The following PRH1 variants were observed in gnomAD, a reference collection of about 807,000 sequenced individuals.
PRH1 encodes the protein proline rich protein HaeIII subfamily 1, also known as salivary acidic proline-rich phosphoprotein 1/2.
PRH1 carries 7 observed loss-of-function variants against 7.9 expected under a neutral mutation model. The ratio of observed to expected loss-of-function variants is 0.89; its 90% CI spans 0.50 to 1.67. PRH1 has a LOEUF of 1.67. PRH1 is among the 40% of genes most tolerant of loss of function. The pLI, the probability that PRH1 is intolerant of heterozygous loss-of-function variation, is 0.00. For missense variants in PRH1, 109 were observed against 223.6 expected (o/e 0.49, Z 3.27); for synonymous variants, 45 against 80.8 (o/e 0.56, Z 2.38).
chr12:10,954,569 G>A (rs1465742085), intron 2 of PRH1, among the ~76,000 whole-genome samples: 1 of 152,194 alleles, frequency 6.6e-6, no homozygotes, highest in African/African-American at 2.4e-5. Context: ...CTGGTCTCAA[G>A]AAATCCTCCC....
intron 2 of PRH1, chr12:10,938,855 A>C: frequency 3.7e-6 from 6 of 1,613,728 alleles, no homozygotes; most frequent in Non-Finnish European, 5.1e-6. Context: ...GTAGAGAAAA[A>C]TAGAGTTAGA....
intron 2 of PRH1, among the ~76,000 whole-genome samples, chr12:10,935,764 A>G (rs1410497247): frequency 6.6e-6 from 1 of 152,218 alleles, no homozygotes; most frequent in Non-Finnish European, 1.5e-5. Context: ...AAATTTTTAA[A>G]TCAATAGAGA....
At chr12:10,925,411 T>A (rs2135855599) in intron 2 of PRH1, among the ~76,000 whole-genome samples, 1 of 152,310 alleles carries the variant, frequency 6.6e-6, no homozygotes, top group African/African-American at 2.4e-5. Context: ...AAATTTTACA[T>A]TCATTGTGAT....
chr12:10,939,120 C>T (rs1470949349), intron 2 of PRH1: 1 of 1,607,370 alleles, frequency 6.2e-7, no homozygotes, highest in Non-Finnish European at 8.5e-7. Context: ...ATACAGTTCA[C>T]CAGTGCTATG....
intron 1 of PRH1, among the ~76,000 whole-genome samples, chr12:10,995,957 G>C (rs897212064): frequency 1.3e-5 from 2 of 151,726 alleles, no homozygotes; most frequent in African/African-American, 2.4e-5. Context: ...ATGTACACTA[G>C]ATATATTTTT....
intron 1 of PRH1, among the ~76,000 whole-genome samples, chr12:11,165,432 C>A (rs1481017302): frequency 6.6e-6 from 1 of 152,210 alleles, no homozygotes; most frequent in Non-Finnish European, 1.5e-5. Flanking sequence ...TCTTTCACCT[C>A]CAATACTGCT....
At chr12:10,930,876 A>G (rs1338405775) in intron 2 of PRH1, 1 of 1,612,016 alleles carries the variant, frequency 6.2e-7, no homozygotes, top group Non-Finnish European at 8.5e-7. Context: ...CTCCTCCTCA[A>G]GGAAGGCCAC....
intron 2 of PRH1, among the ~76,000 whole-genome samples, chr12:10,925,378 C>T (rs1387285561): frequency 6.6e-6 from 1 of 152,190 alleles, no homozygotes; most frequent in Non-Finnish European, 1.5e-5. Context: ...AAATCTCAGG[C>T]CAGTCTCTCT....
chr12:10,979,081 C>T (rs542117764), intron 1 of PRH1, among the ~76,000 whole-genome samples: 3 of 152,208 alleles, frequency 2.0e-5, no homozygotes, highest in South Asian at 4.1e-4. Context: ...AAGGGAGCTA[C>T]AGACACCAGG....
intron 2 of PRH1, among the ~76,000 whole-genome samples, chr12:10,964,201 G>A (rs1355135844): frequency 2.0e-5 from 3 of 152,160 alleles, no homozygotes; most frequent in African/African-American, 7.2e-5. Flanking sequence ...TGTAAAAAAT[G>A]ATTATGTTAT....
At chr12:11,036,791 A>G (rs1275425619) in intron 1 of PRH1, among the ~76,000 whole-genome samples, 1 of 152,354 alleles carries the variant, frequency 6.6e-6, no homozygotes, top group South Asian at 2.1e-4. Flanking sequence ...ATGTATTTAA[A>G]TATTTCAAAA....
chr12:11,024,237 T>G lies in PRH1; in HGVS notation c.-126+22783A>C, dbSNP rs563501637. Among the ~76,000 whole-genome samples, 4 of 152,330 alleles carry G rather than the reference T, an allele frequency of 2.6e-5. No individual in the cohort carries two copies. In the South Asian group the frequency reaches 8.3e-4, roughly 32 times the overall value. On this transcript the variant is annotated intron_variant, in intron 1 of 3. Coordinates refer to the PRH1 transcript ENST00000539853. The stretch of plus-strand genomic sequence containing the variant: ...ACCATTTCTCCTAATTAATAATTTT[T>G]ATCATATAGCTAGACTGCACACTTA...
intron 2 of PRH1, chr12:10,932,148 C>T (rs2135871230): frequency 2.6e-6 from 1 of 381,730 alleles, no homozygotes; most frequent in Non-Finnish European, 5.7e-6. Context: ...GCATCTTCCT[C>T]ACCGCAGTAA....
At chr12:11,076,223 C>T (rs1248029579) in intron 1 of PRH1, among the ~76,000 whole-genome samples, 1 of 147,784 alleles carries the variant, frequency 6.8e-6, no homozygotes, top group African/African-American at 2.5e-5. Context: ...TATAATAGAA[C>T]TTGGTATCAA....
At chr12:11,122,753 A>C (rs953415249) in intron 1 of PRH1, among the ~76,000 whole-genome samples, 1 of 152,254 alleles carries the variant, frequency 6.6e-6, no homozygotes, top group African/African-American at 2.4e-5. Context: ...CAGGGTAATA[A>C]TAATTTTCAT....
chr12:11,031,920 T>C (rs1942242151), intron 1 of PRH1, among the ~76,000 whole-genome samples: 1 of 152,228 alleles, frequency 6.6e-6, no homozygotes, highest in African/African-American at 2.4e-5. Flanking sequence ...AAATTCTATA[T>C]GCACCTGATT....
chr12:11,097,736 T>A (rs979697694), intron 1 of PRH1, among the ~76,000 whole-genome samples: 1 of 114,082 alleles, frequency 8.8e-6, no homozygotes, highest in Non-Finnish European at 2.1e-5. Flanking sequence ...GATGAAGATA[T>A]AGATGATGAA....
At chr12:11,022,132 A>G (rs766664896) in intron 1 of PRH1, 2 of 1,613,914 alleles carry the variant, frequency 1.2e-6, no homozygotes, top group Non-Finnish European at 1.7e-6. Flanking sequence ...ATCCATGGTT[A>G]TCACAGCAAG....
intron 1 of PRH1, among the ~76,000 whole-genome samples, chr12:11,092,654 G>A (rs1289002560): frequency 9.1e-6 from 1 of 109,622 alleles, no homozygotes; most frequent in Non-Finnish European, 2.2e-5. Context: ...GATTGCTGTG[G>A]TTTTACAGTG....
Sources: allele counts gnomAD v4.1 joint callset (sites outside exome capture counted in the v4.1 genomes callset), GRCh38; gene constraint gnomAD v4.1.1; transcripts MANE v1.5; gene names NCBI Gene and HGNC (gene_info 2026-07-23, HGNC 2026-07-21).